UTRN: variants seen among roughly 807,000 people sequenced by gnomAD.
UTRN encodes the protein utrophin.
A neutral mutation model predicts 463.9 loss-of-function variants in UTRN; 283 were observed. The ratio of observed to expected loss-of-function variants is 0.61; its 90% CI spans 0.55 to 0.67. The LOEUF is 0.67. Ranked by LOEUF, UTRN falls within the 30% of genes least tolerant of loss-of-function variation. UTRN has a pLI of 0.00. For synonymous variants in UTRN, 1,442 were observed against 1,431.5 expected (o/e 1.01, Z -0.17); for missense variants, 3,922 against 4,084.3 (o/e 0.96, Z 1.08).
intron 60 of UTRN, among the ~76,000 whole-genome samples, chr6:144,781,210 ACTT>A (rs1482105552): frequency 6.6e-6 from 1 of 152,118 alleles, no homozygotes; most frequent in Non-Finnish European, 1.5e-5. Context: ...GCTGTCTAGT[ACTT>A]CTTCTTAGCT....
chr6:144,406,419 G>T (rs1350885186), intron 3 of UTRN, among the ~76,000 whole-genome samples: 1 of 145,404 alleles, frequency 6.9e-6, no homozygotes, highest in Non-Finnish European at 1.5e-5. Context: ...GAGTGCAGTG[G>T]TGCAATCTTG....
intron 2 of UTRN, chr6:144,331,108 T>G: frequency 1.2e-6 from 1 of 828,486 alleles, no homozygotes; most frequent in Non-Finnish European, 1.5e-6. Flanking sequence ...CAATAATTAG[T>G]GTGAAAATTA....
At chr6:144,486,129 AAAAAG>A (rs909631742) in intron 28 of UTRN, among the ~76,000 whole-genome samples, 1 of 152,220 alleles carries the variant, frequency 6.6e-6, no homozygotes, top group Admixed American at 6.5e-5. Context: ...TTGCTTAACA[AAAAAG>A]AAAAGGGAAG....
At position 144,732,670 on chromosome 6, in the gene UTRN, T is replaced by C. The variant is rs571895395; in HGVS notation, c.7939+2184T>C. On this transcript the variant is annotated intron_variant, in intron 54 of 74. Coordinates refer to ENST00000367545, the MANE Select transcript of UTRN (RefSeq NM_007124.3). The stretch of plus-strand genomic sequence containing the variant: ...CATTTTATGTCATGTTATGTTATGT[T>C]ATGTTATGTTATGTTATGTTATGTT... 8.8e-4 allele frequency among the ~76,000 whole-genome samples: 125 copies of C among 142,774 alleles called. No individual in the cohort carries two copies. In the East Asian group the frequency reaches 0.016, roughly 19 times the overall value. 93.7% of individuals were successfully genotyped at this position (142,774 alleles called of 152,430 possible). A position where few individuals can be genotyped will look rare whatever the true frequency, so the allele number is the denominator to read the frequency against.
At chr6:144,425,666 A>G (rs1785234862) in intron 6 of UTRN, among the ~76,000 whole-genome samples, 1 of 152,008 alleles carries the variant, frequency 6.6e-6, no homozygotes, top group South Asian at 2.1e-4. Flanking sequence ...ATTCATGGAC[A>G]TTTGCATAGG....
chr6:144,615,720 A>T (rs1175115397), intron 51 of UTRN, among the ~76,000 whole-genome samples: 1 of 152,146 alleles, frequency 6.6e-6, no homozygotes, highest in Non-Finnish European at 1.5e-5. Context: ...TTTTATCCAG[A>T]CAAATGGAGT....
intron 3 of UTRN, among the ~76,000 whole-genome samples, chr6:144,407,346 T>C (rs1330415849): frequency 6.6e-6 from 1 of 152,192 alleles, no homozygotes; most frequent in Non-Finnish European, 1.5e-5. Flanking sequence ...GATGGTTGCA[T>C]TGGAGAGACA....
intron 2 of UTRN, among the ~76,000 whole-genome samples, chr6:144,331,218 T>C (rs905133651): frequency 7.2e-5 from 11 of 152,198 alleles, no homozygotes; most frequent in Non-Finnish European, 1.5e-4. Context: ...GATAGTTACA[T>C]GTAAAGAATC....
At chr6:144,482,679 G>A (rs1233643640) in intron 27 of UTRN, among the ~76,000 whole-genome samples, 1 of 152,052 alleles carries the variant, frequency 6.6e-6, no homozygotes, top group Non-Finnish European at 1.5e-5. Context: ...TTTTATAGGT[G>A]CAATCCAGGT....
chr6:144,630,584 ACCTCCC>A (rs1776405594), intron 51 of UTRN, among the ~76,000 whole-genome samples: 1 of 152,144 alleles, frequency 6.6e-6, no homozygotes, highest in Admixed American at 6.5e-5. Flanking sequence ...TGATTCAGTT[ACCTCCC>A]ACAATACGTG....
intron 52 of UTRN, among the ~76,000 whole-genome samples, chr6:144,690,098 TGTGTGTG>T (rs1783232797): frequency 3.6e-5 from 2 of 56,152 alleles, no homozygotes; most frequent in African/African-American, 1.3e-4. Context: ...TTTTTTTTTG[TGTGTGTG>T]TGTGTGTGTG....
chr6:144,777,792 C>A (rs1424847934), intron 60 of UTRN, among the ~76,000 whole-genome samples: 1 of 151,940 alleles, frequency 6.6e-6, no homozygotes, highest in Non-Finnish European at 1.5e-5. Flanking sequence ...AGGCATGGGG[C>A]AGTTAATTGG....
At position 144,602,886 on chromosome 6, in the gene UTRN, TA is replaced by T. The variant is rs1804412081; in HGVS notation, c.7479+25599del. 2.6e-5 allele frequency among the ~76,000 whole-genome samples: 4 copies of T among 152,256 alleles called. No individual in the cohort carries two copies. The South Asian group carries it at 8.3e-4, about 31-fold the overall frequency. On this transcript the variant is annotated intron_variant, in intron 51 of 74. Transcript: ENST00000367545. ...GTATTATTTTTCTTAGACATAATGC[TA>T]TTGCACACTTAATAGAGTAGTTTAG...
chr6:144,453,997 A>C, intron 19 of UTRN, 128 bp downstream of exon 19: 1 of 751,106 alleles, frequency 1.3e-6, no homozygotes. Context: ...GGTTTTCAAA[A>C]ATGTTTTTAG....
chr6:144,522,339 T>C (rs1395803084), intron 40 of UTRN, among the ~76,000 whole-genome samples, 168 bp downstream of exon 40: 1 of 152,216 alleles, frequency 6.6e-6, no homozygotes, highest in East Asian at 1.9e-4. Flanking sequence ...GAAAATATAT[T>C]AAATTTTGAA....
chr6:144,487,543 T>A lies in UTRN; in HGVS notation c.3823-5T>A. The A allele has an allele frequency of 1.3e-6, 2 of 1,591,682 alleles. No individual in the cohort carries two copies. Among genetic ancestry groups the A allele is most frequent in the Non-Finnish European group, 1.7e-6 (2 of 1,167,162 alleles). ...TATTATTTTTTTTTCCCATCTCCATTCCAGTCTCTGGAATCTGTTCTGCGC... is the reference window on the plus strand; with the variant it reads ...TATTATTTTTTTTTCCCATCTCCATACCAGTCTCTGGAATCTGTTCTGCGC... On this transcript the variant is annotated splice_region_variant and splice_polypyrimidine_tract_variant and intron_variant, in intron 28 of 74. Transcript: ENST00000367545.
chr6:144,464,275 G>A (rs1205329762), intron 23 of UTRN, among the ~76,000 whole-genome samples: 1 of 152,150 alleles, frequency 6.6e-6, no homozygotes, highest in Non-Finnish European at 1.5e-5. Flanking sequence ...CACTGAATTT[G>A]GAGGGGCGTT....
chr6:144,617,580 T>C lies in UTRN; in HGVS notation c.7479+40292T>C, dbSNP rs560584232. Among the ~76,000 whole-genome samples, 9 of 152,308 alleles carry C rather than the reference T, an allele frequency of 5.9e-5. No individual in the cohort carries two copies. In the South Asian group the frequency reaches 1.7e-3, roughly 28 times the overall value. On this transcript the variant is annotated intron_variant, in intron 51 of 74. Coordinates refer to ENST00000367545, the MANE Select transcript of UTRN (RefSeq NM_007124.3). ...TTGAACATCTTCCAGTCTAAAGTCATTGTGGCTATGCTTTGTTGATGAACT... is the reference window on the plus strand; with the variant it reads ...TTGAACATCTTCCAGTCTAAAGTCACTGTGGCTATGCTTTGTTGATGAACT...
chr6:144,447,157 T>G (rs1787775246), intron 14 of UTRN, 54 bp from the exon 15 acceptor site: 1 of 1,523,290 alleles, frequency 6.6e-7, no homozygotes. Context: ...CATGATTTAA[T>G]TGAATTACCA....
Sources: allele counts gnomAD v4.1 joint callset (sites outside exome capture counted in the v4.1 genomes callset), GRCh38; gene constraint gnomAD v4.1.1; transcripts MANE v1.5; gene names NCBI Gene and HGNC (gene_info 2026-07-23, HGNC 2026-07-21).